Variants in ILDR2 observed in about 807,000 individuals in gnomAD.
ILDR2 encodes the protein immunoglobulin like domain containing receptor 2.
In ILDR2, 25 loss-of-function variants were observed where a neutral mutation model predicts 66.8. The ratio of observed to expected loss-of-function variants is 0.37; its 90% CI spans 0.27 to 0.52. The LOEUF is 0.52. ILDR2 is among the 20% of genes least tolerant of loss of function. The probability of loss-of-function intolerance (pLI) is 0.88; values close to 1 mark genes in which losing one functional copy is unlikely to be tolerated. For missense variants in ILDR2, 827 were observed against 876.8 expected (o/e 0.94, Z 0.72); for synonymous variants, 367 against 357.2 (o/e 1.03, Z -0.31).
At chr1:166,959,684 G>T (rs1038317186) in intron 1 of ILDR2, among the ~76,000 whole-genome samples, 1 of 151,876 alleles carries the variant, frequency 6.6e-6, no homozygotes, top group Non-Finnish European at 1.5e-5. Context: ...GAGACGAGGG[G>T]AGTGTTTGAG....
intron 3 of ILDR2, among the ~76,000 whole-genome samples, chr1:166,942,448 T>C (rs1402492458): frequency 2.0e-5 from 3 of 152,174 alleles, no homozygotes; most frequent in African/African-American, 7.2e-5. Context: ...GGGTTTCAGA[T>C]CATCCTATTT....
Position 166,958,036 on chromosome 1 carries a change from T to A in ILDR2, c.112A>T (p.Thr38Ser). 2 of 1,614,050 alleles carry A rather than the reference T, an allele frequency of 1.2e-6. No individual in the cohort carries two copies. Among genetic ancestry groups the A allele is most frequent in the Non-Finnish European group, 1.7e-6 (2 of 1,179,976 alleles). ...KKKVAMLFQP[T>S]VLRCHFSTSS... is the part of the protein sequence containing the mutation. Reference sequence around the variant, plus strand: ...GTTGAGAAGTGGCAGCGAAGCACAGTGGGCTGGAAGAGCATGGCCACCTTC... The same window carrying A: ...GTTGAGAAGTGGCAGCGAAGCACAGAGGGCTGGAAGAGCATGGCCACCTTC... The change falls in exon 2 of 10, where the codon ACT becomes TCT. Residue 38 changes from threonine (T) to serine (S), a missense_variant. Around this residue, in one of 2 missense-constraint regions of ILDR2, gnomAD observed 437 missense variants for 523.2 expected, o/e 0.84. Transcript: ENST00000271417.
In ILDR2 at chr1:166,920,835, C is replaced by T. The variant is rs767703731; in HGVS notation, c.1756G>A (p.Ala586Thr). 22 of 1,517,666 alleles carry T rather than the reference C, an allele frequency of 1.4e-5. No individual in the cohort carries two copies. Among genetic ancestry groups the T allele is most frequent in the Admixed American group, 2.0e-5 (1 of 48,852 alleles). 94.0% of individuals were successfully genotyped at this position (1,517,666 alleles called of 1,614,324 possible). A position where few individuals can be genotyped will look rare whatever the true frequency, so the allele number is the denominator to read the frequency against. ...TAGGGCGGCAGCGCGTCGTCGGACGCGTCCTCCTGGTCGTCCTGCGACGAG... is the reference window on the plus strand; with the variant it reads ...TAGGGCGGCAGCGCGTCGTCGGACGTGTCCTCCTGGTCGTCCTGCGACGAG... ...AGSSQDDQEDASDDALPPYSE... is the reference protein window; with the variant it reads ...AGSSQDDQEDTSDDALPPYSE... Residue 586 changes from alanine to threonine, a missense_variant, in exon 9 of 10, where the codon GCG becomes ACG. Physicochemically the swap from Ala to Thr is moderately conservative, Grantham distance 58. Coordinates refer to ENST00000271417, the MANE Select transcript of ILDR2 (RefSeq NM_199351.3).
At chr1:166,975,103 C>G in intron 1 of ILDR2, 120 bp downstream of exon 1, 1 of 798,710 alleles carries the variant, frequency 1.3e-6, no homozygotes, top group Non-Finnish European at 2.1e-6. Flanking sequence ...TCCACCAGAC[C>G]GCTAAGCAGC....
intron 3 of ILDR2, among the ~76,000 whole-genome samples, chr1:166,945,639 A>G (rs1661572653): frequency 6.6e-6 from 1 of 152,234 alleles, no homozygotes; most frequent in Non-Finnish European, 1.5e-5. Flanking sequence ...CAAAGTTACA[A>G]TGGAAGGTAA....
At chr1:166,937,454 C>G (rs1661053255) in intron 4 of ILDR2, among the ~76,000 whole-genome samples, 1 of 152,262 alleles carries the variant, frequency 6.6e-6, no homozygotes, top group South Asian at 2.1e-4. Context: ...TTTGATCACA[C>G]TCAAGCTGCC....
chr1:166,965,629 G>C (rs911999722), intron 1 of ILDR2, among the ~76,000 whole-genome samples: 1 of 144,034 alleles, frequency 6.9e-6, no homozygotes, highest in Non-Finnish European at 1.5e-5. Context: ...CTGGAGTGCA[G>C]TGGCACCACC....
At chr1:166,949,655 A>G (rs1365001439) in intron 3 of ILDR2, among the ~76,000 whole-genome samples, 2 of 152,228 alleles carry the variant, frequency 1.3e-5, no homozygotes, top group African/African-American at 2.4e-5. Flanking sequence ...TGAAGGAACC[A>G]CAAGCCCTAC....
chr1:166,967,747 C>T (rs1030098946), intron 1 of ILDR2, among the ~76,000 whole-genome samples: 3 of 152,128 alleles, frequency 2.0e-5, no homozygotes, highest in African/African-American at 7.2e-5. Flanking sequence ...CAGAGTGGGA[C>T]TCTGTCTCAA....
At position 166,957,996 on chromosome 1, in the gene ILDR2, G is replaced by A; in HGVS notation, c.152C>T (p.Pro51Leu). ...CTTGAACTTCCACTGCACAACTGCA[G>A]GCTGATGGGAGGATGTTGAGAAGTG... ...RCHFSTSSHQ[P>L]AVVQWKFKSY... Residue 51 changes from proline to leucine, a missense_variant, in exon 2 of 10, where the codon CCT (proline) becomes CTT (leucine). Physicochemically the swap from Pro to Leu is moderately conservative, Grantham distance 98. Around this residue, in one of 2 missense-constraint regions of ILDR2, gnomAD observed 437 missense variants for 523.2 expected, o/e 0.84. Transcript: ENST00000271417. 2 of 1,614,194 alleles carry A rather than the reference G, an allele frequency of 1.2e-6. No homozygotes were observed. The highest frequency in any genetic ancestry group is 8.5e-7 in the Non-Finnish European group (1 of 1,180,038).
At chr1:166,947,159 A>C (rs779135113) in intron 3 of ILDR2, among the ~76,000 whole-genome samples, 8 of 152,248 alleles carry the variant, frequency 5.3e-5, no homozygotes, top group African/African-American at 1.7e-4. Flanking sequence ...GGTGAAATGC[A>C]GAAGACTGCT....
rs1659393088 is a variant in ILDR2 at position 166,908,479 on chromosome 1, G to T, written c.*10876C>A. The T allele has an allele frequency of 6.6e-6, 1 of 152,190 alleles. No individual in the cohort carries two copies. Among genetic ancestry groups the T allele is most frequent in the African/African-American group, 2.4e-5 (1 of 41,450 alleles). 9.4% of individuals were successfully genotyped at this position (152,190 alleles called of 1,614,324 possible). On this transcript the variant is annotated 3_prime_UTR_variant, in exon 10 of 10. Transcript: ENST00000271417. ...TAGGATTTTGACATAAAAATTTGGG[G>T]AAGACACAAAACACTCAGTCCATAG...
chr1:166,929,398 T>G (rs1443567989), intron 6 of ILDR2, among the ~76,000 whole-genome samples: 1 of 152,220 alleles, frequency 6.6e-6, no homozygotes, highest in Non-Finnish European at 1.5e-5. Flanking sequence ...CCTTAATATA[T>G]TCTAGTTTGT....
In ILDR2 at chr1:166,936,832, A is replaced by AG; in HGVS notation, c.557-96dup. 2 of 1,203,500 alleles carry AG rather than the reference A, an allele frequency of 1.7e-6. No individual in the cohort carries two copies. Among genetic ancestry groups the AG allele is most frequent in the Admixed American group, 4.0e-5 (2 of 50,418 alleles). The allele number at this position is 1,203,500 out of a possible 1,614,324, so 74.6% of individuals were successfully genotyped here. A position where few individuals can be genotyped will look rare whatever the true frequency, so the allele number is the denominator to read the frequency against. ...CATCTCCCGGTGAAAGGGGGAGAGG[A>AG]GGAGGGACCTAGGGAAGAAAGCTTC... On this transcript the variant is annotated intron_variant, in intron 4 of 9. Transcript: ENST00000271417. This position sits in a 1 kb window ranked among gnomAD's most constrained non-coding sequence, Gnocchi z 5.0.
At chr1:166,944,809 C>T (rs1449300718) in intron 3 of ILDR2, among the ~76,000 whole-genome samples, 1 of 152,102 alleles carries the variant, frequency 6.6e-6, no homozygotes, top group East Asian at 1.9e-4. Flanking sequence ...CTCCATGCTC[C>T]CTAGGACCAC....
intron 1 of ILDR2, among the ~76,000 whole-genome samples, chr1:166,970,880 A>C (rs183927512): frequency 6.6e-6 from 1 of 152,360 alleles, no homozygotes; most frequent in Non-Finnish European, 1.5e-5. Context: ...TCCACAGAGA[A>C]AAGTAGAACA....
chr1:166,900,061 A>T (rs1659233847), intron 2 of ILDR2, among the ~76,000 whole-genome samples: 1 of 152,148 alleles, frequency 6.6e-6, no homozygotes, highest in South Asian at 2.1e-4. Context: ...GGTCATTCAA[A>T]TGTCAGTATA....
intron 2 of ILDR2, among the ~76,000 whole-genome samples, chr1:166,957,343 T>C (rs931996623): frequency 1.3e-5 from 2 of 152,234 alleles, no homozygotes; most frequent in Non-Finnish European, 2.9e-5. Context: ...AGCATCTACC[T>C]GGCTCTGTTA....
rs201817658 is a variant in ILDR2, at chr1:166,921,412, G to A, written c.1212-33C>T. ...CAGAGAAGGAGGGGGTCAGACGGCCGGTCCCTCCCTGGAGCTCCAGGTAGG... is the reference window on the plus strand; with the variant it reads ...CAGAGAAGGAGGGGGTCAGACGGCCAGTCCCTCCCTGGAGCTCCAGGTAGG... On this transcript the variant is annotated intron_variant, in intron 8 of 9. Transcript: ENST00000271417. This position sits in a 1 kb window ranked among gnomAD's most constrained non-coding sequence, Gnocchi z 5.3. The A allele has an allele frequency of 5.2e-5, 78 of 1,508,070 alleles. No homozygotes were observed. In the African/African-American group the frequency reaches 9.1e-4, roughly 18 times the overall value. The allele number at this position is 1,508,070 out of a possible 1,614,324, so 93.4% of individuals were successfully genotyped here. A position where few individuals can be genotyped will look rare whatever the true frequency, so the allele number is the denominator to read the frequency against.
Sources: allele counts gnomAD v4.1 joint callset (sites outside exome capture counted in the v4.1 genomes callset), GRCh38; gene constraint gnomAD v4.1.1; regional missense constraint gnomAD v4.1.1; non-coding constraint Gnocchi (gnomAD v3.1); transcripts MANE v1.5; gene names NCBI Gene and HGNC (gene_info 2026-07-23, HGNC 2026-07-21).